PLAG1: variants seen among roughly 807,000 people sequenced by gnomAD.
PLAG1 encodes PLAG1 zinc finger.
A neutral mutation model predicts 35.5 loss-of-function variants in PLAG1; 7 were observed. The ratio of observed to expected loss-of-function variants is 0.20; its 90% CI spans 0.11 to 0.37. PLAG1 has a LOEUF of 0.37. Ranked by LOEUF, PLAG1 falls within the 10% of genes least tolerant of loss-of-function variation. The pLI is 1.00. For missense variants in PLAG1, 454 were observed against 602.8 expected (o/e 0.75, Z 2.58); for synonymous variants, 229 against 225.4 (o/e 1.02, Z -0.14).
intron 1 of PLAG1, among the ~76,000 whole-genome samples, chr8:56,209,862 A>G (rs1485855711): frequency 6.6e-6 from 1 of 152,204 alleles, no homozygotes; most frequent in Non-Finnish European, 1.5e-5. Context: ...CGAAAATGCA[A>G]TCTAAAGCCG....
chr8:56,172,446 C>T (rs1217043195), intron 2 of PLAG1, among the ~76,000 whole-genome samples: 1 of 152,190 alleles, frequency 6.6e-6, no homozygotes, highest in Admixed American at 6.5e-5. Context: ...AAAATAATAA[C>T]ATTAACTTTG....
intron 1 of PLAG1, among the ~76,000 whole-genome samples, chr8:56,209,928 T>G (rs1189568581): frequency 6.6e-6 from 1 of 151,894 alleles, no homozygotes; most frequent in Admixed American, 6.6e-5. Flanking sequence ...ATGGCATCAC[T>G]TTTTTTTCCA....
At chr8:56,187,499 T>TG (rs919203787) in intron 1 of PLAG1, among the ~76,000 whole-genome samples, 5 of 152,158 alleles carry the variant, frequency 3.3e-5, no homozygotes, top group African/African-American at 1.2e-4. Context: ...CTCTGTAGGA[T>TG]GGGAAAAACA....
chr8:56,183,482 T>C (rs376838229), intron 1 of PLAG1, among the ~76,000 whole-genome samples: 1 of 152,186 alleles, frequency 6.6e-6, no homozygotes, highest in Non-Finnish European at 1.5e-5. Context: ...AAAGTTACAA[T>C]GTTAAAATTG....
At chr8:56,179,742 G>A (rs1433879485) in intron 1 of PLAG1, among the ~76,000 whole-genome samples, 1 of 149,568 alleles carries the variant, frequency 6.7e-6, no homozygotes. Flanking sequence ...CAGTTATCTA[G>A]ATTATTCACA....
At chr8:56,201,495 T>C (rs1812552816) in intron 1 of PLAG1, among the ~76,000 whole-genome samples, 1 of 152,182 alleles carries the variant, frequency 6.6e-6, no homozygotes, top group South Asian at 2.1e-4. Context: ...AAAGATAAGT[T>C]GACATTTAGC....
Position 56,161,150 on chromosome 8 carries a change from CA to C in PLAG1, c.*5092del. Reference sequence around the variant, plus strand: ...CTATTTTACAGAGCTTATACACACACAAAAAATATGATCTTTGTCTATATTT... The same window carrying C: ...CTATTTTACAGAGCTTATACACACACAAAAATATGATCTTTGTCTATATTT... On this transcript the variant is annotated 3_prime_UTR_variant, in exon 5 of 5. Coordinates refer to ENST00000316981, the MANE Select transcript of PLAG1 (RefSeq NM_002655.3). 2 of 191,070 alleles carry C rather than the reference CA, an allele frequency of 1.0e-5. No individual in the cohort carries two copies. The highest frequency in any genetic ancestry group is 2.2e-5 in the Non-Finnish European group (2 of 90,988). 11.8% of individuals were successfully genotyped at this position (191,070 alleles called of 1,614,324 possible).
In PLAG1 at chr8:56,161,296, C is replaced by T. The variant is rs760262413; in HGVS notation, c.*4947G>A. 3.8e-5 allele frequency: 8 copies of T among 208,220 alleles called. No homozygotes were observed. The highest frequency in any genetic ancestry group is 1.4e-4 in the African/African-American group (6 of 44,008). 12.9% of individuals were successfully genotyped at this position (208,220 alleles called of 1,614,324 possible). On this transcript the variant is annotated 3_prime_UTR_variant, in exon 5 of 5. Transcript: ENST00000316981. The stretch of plus-strand genomic sequence containing the variant: ...AAATGCAATAAAAATATACAAAATT[C>T]GGCCTGGAATGCAGATTTTTTTCTT...
intron 1 of PLAG1, among the ~76,000 whole-genome samples, chr8:56,188,603 GC>G (rs1260416567): frequency 6.6e-6 from 1 of 152,110 alleles, no homozygotes; most frequent in African/African-American, 2.4e-5. Flanking sequence ...GCTTTCTTTT[GC>G]TTTAAAAAAC....
At chr8:56,203,817 T>A (rs1167782857) in intron 1 of PLAG1, among the ~76,000 whole-genome samples, 2 of 151,988 alleles carry the variant, frequency 1.3e-5, no homozygotes, top group African/African-American at 4.8e-5. Flanking sequence ...CTACCAACAT[T>A]AGAAGAGAAA....
At chr8:56,202,201 TCTGAA>T (rs1198770329) in intron 1 of PLAG1, among the ~76,000 whole-genome samples, 2 of 152,244 alleles carry the variant, frequency 1.3e-5, no homozygotes, top group African/African-American at 4.8e-5. Context: ...AGACCACACT[TCTGAA>T]CTGTGCAACT....
intron 1 of PLAG1, among the ~76,000 whole-genome samples, chr8:56,199,718 C>T (rs938777960): frequency 3.3e-5 from 5 of 149,456 alleles, no homozygotes; most frequent in African/African-American, 9.9e-5. Flanking sequence ...CTAGGCAGTA[C>T]GTCTCCACCA....
intron 1 of PLAG1, among the ~76,000 whole-genome samples, chr8:56,198,899 A>G (rs1288565751): frequency 6.6e-6 from 1 of 152,190 alleles, no homozygotes; most frequent in Admixed American, 6.5e-5. Flanking sequence ...AGTACCCAGC[A>G]TGGTACTTGA....
chr8:56,177,790 C>CA (rs1207849547), intron 2 of PLAG1, among the ~76,000 whole-genome samples: 1 of 152,132 alleles, frequency 6.6e-6, no homozygotes, highest in African/African-American at 2.4e-5. Context: ...GGTTATAAAG[C>CA]AAGCTCAGAA....
At position 56,167,518 on chromosome 8, in the gene PLAG1, A is replaced by G. The variant is rs762931602; in HGVS notation, c.243-15T>C. 2 of 1,548,922 alleles carry G rather than the reference A, an allele frequency of 1.3e-6. No homozygotes were observed. Among genetic ancestry groups the G allele is most frequent in the Admixed American group, 1.8e-5 (1 of 56,682 alleles). On this transcript the variant is annotated splice_polypyrimidine_tract_variant and intron_variant, in intron 4 of 4. Transcript: ENST00000316981. The surrounding 1 kb of genome is among the most constrained non-coding windows in gnomAD (Gnocchi z 5.9). ...TAGCCATGTGCCTTTAAACACAGAT[A>G]TAATCTATAAGTAGTTATTATGACA... is the stretch of plus-strand genomic sequence containing the variant.
At position 56,166,843 on chromosome 8, in the gene PLAG1, C is replaced by G; in HGVS notation, c.903G>C (p.Ser301=). ...TTGTGATCATTTGGTGGGCAGATCCCGAGCTCTGCATGGACTGAAATGGAG... is the reference window on the plus strand; with the variant it reads ...TTGTGATCATTTGGTGGGCAGATCCGGAGCTCTGCATGGACTGAAATGGAG... The part of the protein sequence containing the change: ...YNTPFQSMQS[S]GSAHQMITTL... The change falls in exon 5 of 5, where the codon TCG becomes TCC. Residue 301 remains serine, a synonymous_variant. Transcript: ENST00000316981. 2 of 1,614,038 alleles carry G rather than the reference C, an allele frequency of 1.2e-6. No individual in the cohort carries two copies. Among genetic ancestry groups the G allele is most frequent in the Non-Finnish European group, 1.7e-6 (2 of 1,179,986 alleles).
intron 1 of PLAG1, among the ~76,000 whole-genome samples, chr8:56,188,539 C>T (rs1812088156): frequency 6.6e-6 from 1 of 152,188 alleles, no homozygotes; most frequent in African/African-American, 2.4e-5. Flanking sequence ...TTAGCACAGA[C>T]ACAGTGTATG....
intron 1 of PLAG1, among the ~76,000 whole-genome samples, chr8:56,198,501 G>A (rs1023280149): frequency 2.6e-5 from 4 of 152,186 alleles, no homozygotes; most frequent in African/African-American, 7.2e-5. Context: ...GACAACCCCC[G>A]CTCTGCTCCG....
At chr8:56,188,111 A>G (rs914350860) in intron 1 of PLAG1, among the ~76,000 whole-genome samples, 1 of 152,238 alleles carries the variant, frequency 6.6e-6, no homozygotes, top group Admixed American at 6.5e-5. Flanking sequence ...ACTGAAGCAC[A>G]TAGGAGCCAA....
Sources: gnomAD v4.1 joint callset for allele counts (sites outside exome capture counted in the v4.1 genomes callset) on GRCh38, gnomAD v4.1.1 for gene constraint, Gnocchi (gnomAD v3.1) non-coding constraint, MANE v1.5 for transcripts, NCBI Gene and HGNC (gene_info 2026-07-23, HGNC 2026-07-21) for gene names.